CPNE4: variants seen among roughly 807,000 people sequenced by gnomAD.
The protein encoded by CPNE4 is copine-4.
Under a neutral mutation model 67.9 loss-of-function variants are expected in CPNE4, and 25 were observed. The observed-to-expected ratio is 0.37, with a 90% CI of 0.27 to 0.51. CPNE4 has a LOEUF of 0.51. Ranked by LOEUF, CPNE4 falls within the 20% of genes least tolerant of loss-of-function variation. CPNE4 has a pLI of 0.93. For synonymous variants in CPNE4, 242 were observed against 244.9 expected (o/e 0.99, Z 0.11); for missense variants, 464 against 690.8 (o/e 0.67, Z 3.68).
At position 131,661,502 on chromosome 3, in the gene CPNE4, A is replaced by G. The variant is rs145042069; in HGVS notation, c.681+8173T>C. On this transcript the variant is annotated intron_variant, in intron 7 of 15. Coordinates refer to ENST00000429747, the MANE Select transcript of CPNE4 (RefSeq NM_130808.3). ...TTTCACGCTGCAGTATTGATTTCCG[A>G]TTTCAGTAGAGGCAGCCTGCTGTAC... 9.8e-5 allele frequency among the ~76,000 whole-genome samples: 15 copies of G among 152,298 alleles called. No homozygotes were observed. In the East Asian group the frequency reaches 2.9e-3, roughly 29 times the overall value.
At chr3:131,811,522 G>T (rs974618721) in intron 2 of CPNE4, among the ~76,000 whole-genome samples, 2 of 151,990 alleles carry the variant, frequency 1.3e-5, no homozygotes, top group African/African-American at 4.8e-5. Flanking sequence ...CACCTAGTAC[G>T]AACTGAAGCC....
chr3:131,952,176 G>A (rs1182207973), intron 1 of CPNE4, among the ~76,000 whole-genome samples: 9 of 148,742 alleles, frequency 6.1e-5, no homozygotes, highest in Non-Finnish European at 1.0e-4. Flanking sequence ...CTGCCCGGCC[G>A]CCCATCGTCT....
rs903429011 is a variant in CPNE4, at chr3:131,594,413, G to A, written c.682-6831C>T. 2.0e-5 allele frequency among the ~76,000 whole-genome samples: 3 copies of A among 152,160 alleles called. No homozygotes were observed. The South Asian group carries it at 6.2e-4, about 32-fold the overall frequency. ...CAAAACTATTCATATATATTCAACTGAACTTTGAGAAGGGTGTCAATAATA... is the reference window on the plus strand; with the variant it reads ...CAAAACTATTCATATATATTCAACTAAACTTTGAGAAGGGTGTCAATAATA... On this transcript the variant is annotated intron_variant, in intron 7 of 15. Transcript: ENST00000429747.
At chr3:131,639,167 C>T (rs1296874266) in intron 7 of CPNE4, among the ~76,000 whole-genome samples, 1 of 151,832 alleles carries the variant, frequency 6.6e-6, no homozygotes, top group Non-Finnish European at 1.5e-5. Flanking sequence ...AAGATCAGAG[C>T]ACAACTAAAT....
intron 1 of CPNE4, among the ~76,000 whole-genome samples, chr3:131,994,233 T>C (rs1024086170): frequency 1.5e-5 from 2 of 136,382 alleles, no homozygotes; most frequent in Admixed American, 8.2e-5. Context: ...ACTTCATGGA[T>C]TGGAAGATTT....
intron 2 of CPNE4, among the ~76,000 whole-genome samples, chr3:131,813,111 C>T (rs2084599103): frequency 6.6e-6 from 1 of 152,010 alleles, no homozygotes; most frequent in Admixed American, 6.5e-5. Flanking sequence ...CTATAAATGG[C>T]AATTTCACAT....
intron 2 of CPNE4, among the ~76,000 whole-genome samples, chr3:131,842,730 TA>T (rs3041527): frequency 0.33 from 39,682 of 121,670 alleles, 5,548 homozygotes; most frequent in Non-Finnish European, 0.34. Context: ...TATTCTGTTG[TA>T]AAAAAAAAAA....
intron 2 of CPNE4, among the ~76,000 whole-genome samples, chr3:131,792,309 T>C (rs2083747480): frequency 1.3e-5 from 2 of 152,042 alleles, no homozygotes. Context: ...GAAAGATATT[T>C]TAATACCAGT....
intron 2 of CPNE4, among the ~76,000 whole-genome samples, chr3:131,860,347 G>A (rs779038567): frequency 2.6e-5 from 4 of 152,128 alleles, no homozygotes; most frequent in East Asian, 1.9e-4. Flanking sequence ...GAACCCAAGC[G>A]GAGGAAAGGG....
In CPNE4 at chr3:131,979,979, T is replaced by G. The variant is rs1028370638; in HGVS notation, c.-2+54588A>C. Among the ~76,000 whole-genome samples, 18 of 152,274 alleles carry G rather than the reference T, an allele frequency of 1.2e-4. No individual in the cohort carries two copies. The South Asian group carries it at 1.4e-3, about 12-fold the overall frequency. On this transcript the variant is annotated intron_variant, in intron 1 of 15. Coordinates refer to ENST00000429747, the MANE Select transcript of CPNE4 (RefSeq NM_130808.3). Reference sequence around the variant, plus strand: ...TGCTTAGTTTTGCTGGATACAAAATTCTTGGCTGATAATTGTTTTGTTTGA... The same window carrying G: ...TGCTTAGTTTTGCTGGATACAAAATGCTTGGCTGATAATTGTTTTGTTTGA...
At chr3:131,983,560 T>C (rs1235202789) in intron 1 of CPNE4, among the ~76,000 whole-genome samples, 1 of 152,118 alleles carries the variant, frequency 6.6e-6, no homozygotes, top group Admixed American at 6.6e-5. Context: ...GTTCCAAAAT[T>C]CAAAACCAAT....
intron 2 of CPNE4, among the ~76,000 whole-genome samples, chr3:131,825,631 T>G (rs761670165): frequency 6.6e-6 from 1 of 152,168 alleles, no homozygotes; most frequent in Non-Finnish European, 1.5e-5. Context: ...GAGGATCATT[T>G]CAAACTGAAA....
At chr3:131,587,413 T>A (rs554872869) in intron 8 of CPNE4, 71 bp downstream of exon 8, 1 of 957,166 alleles carries the variant, frequency 1.0e-6, no homozygotes, top group Admixed American at 1.7e-5. Context: ...TCTTGCTGTT[T>A]CATTGGTAGC....
chr3:132,008,627 G>A (rs1042960100), intron 1 of CPNE4, among the ~76,000 whole-genome samples: 5 of 152,210 alleles, frequency 3.3e-5, no homozygotes, highest in Admixed American at 1.3e-4. Flanking sequence ...GTGCACAGAC[G>A]TGTACATTTT....
chr3:131,557,117 G>A lies in CPNE4; in HGVS notation c.1062-1566C>T, dbSNP rs548922035. 2.6e-5 allele frequency among the ~76,000 whole-genome samples: 4 copies of A among 152,118 alleles called. No individual in the cohort carries two copies. The South Asian group carries it at 8.3e-4, about 32-fold the overall frequency. On this transcript the variant is annotated intron_variant, in intron 11 of 15. Coordinates refer to ENST00000429747, the MANE Select transcript of CPNE4 (RefSeq NM_130808.3). ...TTCTGCTAGTACTTCCAGTAATCTG[G>A]CCCCCTGCCTAGACAACAAATAAGA...
upstream of CPNE4, among the ~76,000 whole-genome samples, chr3:132,039,041 G>T (rs527908603): frequency 1.1e-3 from 174 of 152,218 alleles, 2 homozygotes; most frequent in South Asian, 0.011. Context: ...AGTTGATTTT[G>T]TCAGTTCCAC....
At chr3:131,797,413 A>T (rs1021204928) in intron 2 of CPNE4, among the ~76,000 whole-genome samples, 1 of 152,196 alleles carries the variant, frequency 6.6e-6, no homozygotes, top group African/African-American at 2.4e-5. Flanking sequence ...CAGACTAACC[A>T]GTTCATTTTG....
chr3:132,029,422 A>AGCTT (rs1248624033), intron 1 of CPNE4, among the ~76,000 whole-genome samples: 5 of 152,170 alleles, frequency 3.3e-5, no homozygotes, highest in Non-Finnish European at 5.9e-5. Flanking sequence ...TCCTTATCCT[A>AGCTT]GAAGCCCTGC....
At chr3:131,650,856 T>C (rs1369163993) in intron 7 of CPNE4, among the ~76,000 whole-genome samples, 2 of 151,840 alleles carry the variant, frequency 1.3e-5, no homozygotes, top group East Asian at 1.9e-4. Context: ...TGTGCCTACA[T>C]TGAAGGGTGC....
Sources: allele counts gnomAD v4.1 joint callset (sites outside exome capture counted in the v4.1 genomes callset), GRCh38; gene constraint gnomAD v4.1.1; transcripts MANE v1.5; gene names NCBI Gene and HGNC (gene_info 2026-07-23, HGNC 2026-07-21).